The following ADAMTSL1 variants were observed in gnomAD, a reference collection of about 807,000 sequenced individuals.
ADAMTSL1 encodes ADAMTS like 1, also known as ADAMTS-like protein 1.
Under a neutral mutation model 201.8 loss-of-function variants are expected in ADAMTSL1, and 126 were observed. The observed-to-expected ratio is 0.62, with a 90% CI of 0.54 to 0.72. The LOEUF (loss-of-function observed/expected upper bound fraction) is 0.72, where lower values mean the gene tolerates loss of function less well. Ranked by LOEUF, ADAMTSL1 falls within the 30% of genes least tolerant of loss-of-function variation. ADAMTSL1 has a pLI of 0.00. For missense variants in ADAMTSL1, 2,679 were observed against 2,277.8 expected (o/e 1.18, Z -3.59); for synonymous variants, 1,121 against 903.4 (o/e 1.24, Z -4.32).
intron 2 of ADAMTSL1, among the ~76,000 whole-genome samples, chr9:18,207,225 TGAGA>T (rs1439157180): frequency 6.6e-6 from 1 of 151,306 alleles, no homozygotes; most frequent in Non-Finnish European, 1.5e-5. Context: ...AAGGTAGGAA[TGAGA>T]GAGAGGAAAA....
intron 1 of ADAMTSL1, among the ~76,000 whole-genome samples, chr9:17,960,763 C>T (rs1817718584): frequency 6.6e-6 from 1 of 152,172 alleles, no homozygotes; most frequent in Non-Finnish European, 1.5e-5. Flanking sequence ...TCACTGCCTG[C>T]ACTTATACTT....
chr9:18,770,619 C>T lies in ADAMTSL1; in HGVS notation c.2235C>T (p.Gly745=), dbSNP rs189207113. ...TTCCCCAGTGTTCCAGAACGTGTGGCGGGGGTGTTCAGAAACGTGAGGTTC... is the reference window on the plus strand; with the variant it reads ...TTCCCCAGTGTTCCAGAACGTGTGGTGGGGGTGTTCAGAAACGTGAGGTTC... ...AQWQPCSRTC[G]GGVQKREVLC... Residue 745 remains glycine, a synonymous_variant, in exon 17 of 29, where the codon GGC becomes GGT. Transcript: ENST00000380548. 8.4e-5 allele frequency: 135 copies of T among 1,612,604 alleles called. No homozygotes were observed. Among genetic ancestry groups the T allele is most frequent in the Non-Finnish European group, 1.1e-4 (128 of 1,179,404 alleles).
chr9:18,195,635 T>C lies in ADAMTSL1; in HGVS notation c.207+31654T>C, dbSNP rs193053962. Among the ~76,000 whole-genome samples the C allele has an allele frequency of 1.6e-3, 241 of 152,284 alleles. 1 individual carries two copies. The highest frequency in any genetic ancestry group is 5.5e-3 in the African/African-American group (229 of 41,582). ...TCTAGTGGTGTTTTCTTTGGCCTTA[T>C]AATCTGAAAAGAGCTGGTACTGGTT... On this transcript the variant is annotated intron_variant, in intron 2 of 29. Coordinates refer to the ADAMTSL1 transcript ENST00000680146.
chr9:18,197,789 C>T (rs1036982426), intron 2 of ADAMTSL1, among the ~76,000 whole-genome samples: 7 of 152,054 alleles, frequency 4.6e-5, no homozygotes, highest in Admixed American at 2.6e-4. Flanking sequence ...AAAAAGAGCC[C>T]GCATCGCCAA....
At chr9:18,492,002 G>C (rs955692297) in intron 1 of ADAMTSL1, among the ~76,000 whole-genome samples, 7 of 152,152 alleles carry the variant, frequency 4.6e-5, no homozygotes, top group African/African-American at 1.7e-4. Flanking sequence ...TATTTAACTA[G>C]AGAATGCATG....
At chr9:18,053,961 T>C (rs931875869) in intron 1 of ADAMTSL1, among the ~76,000 whole-genome samples, 3 of 152,246 alleles carry the variant, frequency 2.0e-5, no homozygotes, top group African/African-American at 7.2e-5. Context: ...TTGATGGTGT[T>C]AAAAGTACAG....
At chr9:18,732,206 A>G (rs933078015) in intron 15 of ADAMTSL1, among the ~76,000 whole-genome samples, 1 of 152,154 alleles carries the variant, frequency 6.6e-6, no homozygotes, top group African/African-American at 2.4e-5. Context: ...ATAATTTTAT[A>G]CTCACCGAGT....
At chr9:18,084,806 T>G (rs1275446165) in intron 1 of ADAMTSL1, among the ~76,000 whole-genome samples, 2 of 144,300 alleles carry the variant, frequency 1.4e-5, no homozygotes, top group Non-Finnish European at 3.0e-5. Context: ...ATCCTTACAA[T>G]CATGCAACTT....
intron 1 of ADAMTSL1, among the ~76,000 whole-genome samples, chr9:18,502,147 T>C (rs1587391203): frequency 6.6e-6 from 1 of 152,228 alleles, no homozygotes; most frequent in East Asian, 1.9e-4. Flanking sequence ...ATTCTGCATG[T>C]GAATGCTGCG....
chr9:18,244,485 G>A (rs181819132), intron 2 of ADAMTSL1, among the ~76,000 whole-genome samples: 123 of 151,900 alleles, frequency 8.1e-4, no homozygotes, highest in Non-Finnish European at 5.4e-4. Context: ...CCAGTCTTTG[G>A]CTCCTCTGCT....
intron 2 of ADAMTSL1, among the ~76,000 whole-genome samples, chr9:18,439,805 T>C (rs1819918247): frequency 6.6e-6 from 1 of 152,254 alleles, no homozygotes; most frequent in Non-Finnish European, 1.5e-5. Context: ...CTAGGCACTT[T>C]ATATTATTAT....
intron 14 of ADAMTSL1, among the ~76,000 whole-genome samples, chr9:18,710,905 T>C (rs1564170773): frequency 6.6e-6 from 1 of 152,044 alleles, no homozygotes; most frequent in Non-Finnish European, 1.5e-5. Context: ...TTCCATATGA[T>C]TAAAATTACT....
chr9:18,075,858 G>T (rs528538508), intron 1 of ADAMTSL1, among the ~76,000 whole-genome samples: 1 of 152,290 alleles, frequency 6.6e-6, no homozygotes, highest in South Asian at 2.1e-4. Flanking sequence ...TGTAAAAGGT[G>T]CTGAGTGAAT....
At chr9:18,306,107 A>T (rs1448192281) in intron 2 of ADAMTSL1, among the ~76,000 whole-genome samples, 1 of 152,186 alleles carries the variant, frequency 6.6e-6, no homozygotes, top group East Asian at 1.9e-4. Context: ...GAGGGGCCTG[A>T]CTGTTAGGAA....
intron 23 of ADAMTSL1, among the ~76,000 whole-genome samples, chr9:18,861,236 A>T (rs1372244262): frequency 6.6e-6 from 1 of 152,208 alleles, no homozygotes; most frequent in Non-Finnish European, 1.5e-5. Context: ...CCTTCATGCA[A>T]TGTGAGTGCT....
chr9:18,592,939 C>T (rs552210608), intron 4 of ADAMTSL1, among the ~76,000 whole-genome samples: 9 of 151,986 alleles, frequency 5.9e-5, no homozygotes, highest in Non-Finnish European at 1.2e-4. Context: ...TATTTCACTT[C>T]TCTGGTTAAT....
intron 1 of ADAMTSL1, among the ~76,000 whole-genome samples, chr9:18,063,132 C>G (rs541001337): frequency 1.3e-5 from 2 of 152,026 alleles, no homozygotes; most frequent in African/African-American, 4.8e-5. Flanking sequence ...AGTTCAAGAC[C>G]AGCCTGAGGC....
chr9:18,057,162 T>C (rs1255663889), intron 1 of ADAMTSL1, among the ~76,000 whole-genome samples: 1 of 152,160 alleles, frequency 6.6e-6, no homozygotes, highest in Non-Finnish European at 1.5e-5. Context: ...TGTGGTCTTT[T>C]CTGAGACCTG....
At chr9:18,084,084 G>A (rs1823635773) in intron 1 of ADAMTSL1, among the ~76,000 whole-genome samples, 3 of 152,136 alleles carry the variant, frequency 2.0e-5, no homozygotes, top group Admixed American at 2.0e-4. Flanking sequence ...TTGTAGACAA[G>A]TTTCCCTACC....
Sources: allele counts gnomAD v4.1 joint callset (sites outside exome capture counted in the v4.1 genomes callset), GRCh38; gene constraint gnomAD v4.1.1; transcripts MANE v1.5; gene names NCBI Gene and HGNC (gene_info 2026-07-23, HGNC 2026-07-21).